The following MAGI1 variants were observed in gnomAD, a reference collection of about 807,000 sequenced individuals.
The protein encoded by MAGI1 is membrane associated guanylate kinase, WW and PDZ domain containing 1, also known as membrane-associated guanylate kinase, WW and PDZ domain-containing protein 1.
A neutral mutation model predicts 139.9 loss-of-function variants in MAGI1; 58 were observed. That is an observed-to-expected ratio of 0.41 (90% CI 0.34 to 0.52). The LOEUF (loss-of-function observed/expected upper bound fraction) is 0.52, where lower values mean the gene tolerates loss of function less well. Ranked by LOEUF, MAGI1 falls within the 20% of genes least tolerant of loss-of-function variation. The probability of loss-of-function intolerance (pLI) is 0.12; values close to 1 mark genes in which losing one functional copy is unlikely to be tolerated. For missense variants in MAGI1, 1,874 were observed against 1,901.6 expected, an observed-to-expected ratio of 0.99 and a Z score of 0.27; for synonymous variants, 812 against 737.9, an observed-to-expected ratio of 1.10 and a Z score of -1.63.
intron 1 of MAGI1, among the ~76,000 whole-genome samples, chr3:65,756,200 G>A (rs959797344): frequency 6.6e-6 from 1 of 152,120 alleles, no homozygotes; most frequent in Non-Finnish European, 1.5e-5. Context: ...TTTCCACTTA[G>A]TGGATCCCTG....
chr3:65,576,629 G>A (rs980035325), intron 2 of MAGI1, among the ~76,000 whole-genome samples: 3 of 152,114 alleles, frequency 2.0e-5, no homozygotes, highest in Admixed American at 1.3e-4. Flanking sequence ...GCGTTGTACT[G>A]CTATCTGCAT....
intron 1 of MAGI1, among the ~76,000 whole-genome samples, chr3:65,820,105 T>C (rs1241459226): frequency 1.3e-5 from 2 of 151,966 alleles, no homozygotes; most frequent in Non-Finnish European, 2.9e-5. Context: ...CTAGAATACC[T>C]GACAATCAGC....
chr3:65,543,436 A>G (rs1383911031), intron 2 of MAGI1, among the ~76,000 whole-genome samples: 1 of 152,198 alleles, frequency 6.6e-6, no homozygotes, highest in Admixed American at 6.5e-5. Context: ...ATTCTGCTAC[A>G]AAGACACAGG....
intron 1 of MAGI1, among the ~76,000 whole-genome samples, chr3:65,962,824 CG>C (rs11296649): frequency 0.39 from 43,521 of 111,254 alleles, 8,151 homozygotes; most frequent in South Asian, 0.6. Context: ...GACTCTGTCT[CG>C]GGGGGAAAAA....
intron 1 of MAGI1, among the ~76,000 whole-genome samples, chr3:65,853,160 C>G (rs1028200213): frequency 6.6e-6 from 1 of 151,498 alleles, no homozygotes; most frequent in Non-Finnish European, 1.5e-5. Context: ...GAGCGAGACT[C>G]CGTCTCAAGA....
At chr3:65,918,018 G>A (rs1458698786) in intron 1 of MAGI1, among the ~76,000 whole-genome samples, 1 of 152,160 alleles carries the variant, frequency 6.6e-6, no homozygotes, top group East Asian at 1.9e-4. Flanking sequence ...GCTGTGCACA[G>A]GCTGGAAGCA....
At chr3:65,935,399 C>T (rs1045279090) in intron 1 of MAGI1, among the ~76,000 whole-genome samples, 5 of 152,010 alleles carry the variant, frequency 3.3e-5, no homozygotes, top group African/African-American at 9.7e-5. Context: ...TTTGGAAGGC[C>T]GAGGTGGGCA....
At chr3:65,435,075 A>G (rs1364386521) in intron 10 of MAGI1, among the ~76,000 whole-genome samples, 4 of 152,120 alleles carry the variant, frequency 2.6e-5, no homozygotes. Flanking sequence ...CTCATTGGAC[A>G]CTCGATCTGC....
chr3:65,696,011 C>A (rs1028315300), intron 1 of MAGI1, among the ~76,000 whole-genome samples: 1 of 152,206 alleles, frequency 6.6e-6, no homozygotes, highest in African/African-American at 2.4e-5. Context: ...AACCCTCCAA[C>A]AGCTCCTCTT....
chr3:65,623,068 G>A (rs1249858345), intron 1 of MAGI1, among the ~76,000 whole-genome samples: 1 of 152,164 alleles, frequency 6.6e-6, no homozygotes, highest in Non-Finnish European at 1.5e-5. Flanking sequence ...TGGAAAAGGA[G>A]AGACTGGGTA....
rs1940826909 is a variant in MAGI1 at position 65,361,239 on chromosome 3, A to G, written c.3594T>C (p.Arg1198=). 3.7e-6 allele frequency: 6 copies of G among 1,614,172 alleles called. No individual in the cohort carries two copies. In the East Asian group the frequency reaches 1.1e-4, roughly 30 times the overall value. The change falls in exon 22 of 23, where the codon CGT becomes CGC. Residue 1198 remains arginine (R), a synonymous_variant. Transcript: ENST00000402939. ...ELIKNGGRRV[R]LFLKRGDGSV... Reference sequence around the variant, plus strand: ...AGCCGTCTCCCCGCTTCAGAAACAGACGAACTCTGCGGCCACCATTCTTAA... The same window carrying G: ...AGCCGTCTCCCCGCTTCAGAAACAGGCGAACTCTGCGGCCACCATTCTTAA...
chr3:65,771,097 A>C (rs1256792308), intron 1 of MAGI1, among the ~76,000 whole-genome samples: 1 of 151,874 alleles, frequency 6.6e-6, no homozygotes, highest in African/African-American at 2.4e-5. Flanking sequence ...ACCTGAGGCC[A>C]GGAGTTCGAG....
chr3:65,723,526 T>C (rs1295846650), intron 1 of MAGI1, among the ~76,000 whole-genome samples: 1 of 145,340 alleles, frequency 6.9e-6, no homozygotes, highest in African/African-American at 2.7e-5. Context: ...GACTCATTTA[T>C]ACTCCTCAAA....
chr3:65,807,332 A>T (rs1287670597), intron 1 of MAGI1, among the ~76,000 whole-genome samples: 2 of 152,174 alleles, frequency 1.3e-5, no homozygotes, highest in African/African-American at 4.8e-5. Context: ...CTTACTGTAC[A>T]TTGACATATA....
intron 2 of MAGI1, among the ~76,000 whole-genome samples, chr3:65,580,947 C>T (rs1277019857): frequency 1.3e-5 from 2 of 152,158 alleles, no homozygotes; most frequent in Non-Finnish European, 2.9e-5. Flanking sequence ...TGGGCTCCAC[C>T]TGCAAGCCTG....
chr3:65,528,712 T>A (rs1056102456), intron 2 of MAGI1, among the ~76,000 whole-genome samples: 1 of 152,078 alleles, frequency 6.6e-6, no homozygotes, highest in African/African-American at 2.4e-5. Context: ...CTTCTCAAGG[T>A]AAAAACTGGC....
At chr3:65,932,952 A>G (rs2062870570) in intron 1 of MAGI1, among the ~76,000 whole-genome samples, 1 of 152,084 alleles carries the variant, frequency 6.6e-6, no homozygotes, top group African/African-American at 2.4e-5. Context: ...TAACAGTCCT[A>G]TCTTTTCAAA....
At chr3:65,503,900 G>T (rs1462446195) in intron 2 of MAGI1, among the ~76,000 whole-genome samples, 1 of 152,142 alleles carries the variant, frequency 6.6e-6, no homozygotes, top group Non-Finnish European at 1.5e-5. Flanking sequence ...TATTCAAACC[G>T]TCCATGTATC....
intron 1 of MAGI1, among the ~76,000 whole-genome samples, chr3:65,741,261 G>A (rs1176217886): frequency 2.6e-5 from 4 of 151,262 alleles, no homozygotes; most frequent in South Asian, 2.1e-4. Context: ...TGCAACCTCC[G>A]CCTCCCAGGT....
Sources: allele counts gnomAD v4.1 joint callset (sites outside exome capture counted in the v4.1 genomes callset), GRCh38; gene constraint gnomAD v4.1.1; transcripts MANE v1.5; gene names NCBI Gene and HGNC (gene_info 2026-07-23, HGNC 2026-07-21).